OR9Q1: variants seen among roughly 807,000 people sequenced by gnomAD.
The protein encoded by OR9Q1 is olfactory receptor family 9 subfamily Q member 1.
For synonymous variants in OR9Q1, 153 were observed against 148.6 expected, an observed-to-expected ratio of 1.03 and a Z score of -0.22; for missense variants, 374 against 378.8, an observed-to-expected ratio of 0.99 and a Z score of 0.11.
intron 2 of OR9Q1, among the ~76,000 whole-genome samples, chr11:58,174,545 A>G (rs530788695): frequency 1.3e-5 from 2 of 151,728 alleles, no homozygotes; most frequent in Non-Finnish European, 2.9e-5. Flanking sequence ...TTTATAAAGG[A>G]TATTATCATA....
intron 2 of OR9Q1, chr11:58,119,003 C>T: frequency 1.9e-6 from 3 of 1,613,930 alleles, no homozygotes; most frequent in South Asian, 1.1e-5. Context: ...CAGACATAGG[C>T]TCCTACCACC....
intron 2 of OR9Q1, among the ~76,000 whole-genome samples, chr11:58,165,820 T>A (rs576425779): frequency 6.6e-6 from 1 of 152,358 alleles, no homozygotes; most frequent in Non-Finnish European, 1.5e-5. Flanking sequence ...AGTACCTCAG[T>A]GAGCATATCT....
At chr11:58,091,930 A>G (rs1439911277) in intron 2 of OR9Q1, among the ~76,000 whole-genome samples, 1 of 150,728 alleles carries the variant, frequency 6.6e-6, no homozygotes, top group Non-Finnish European at 1.5e-5. Context: ...TTCTTGGTTT[A>G]AAGTCTGTTC....
At chr11:58,082,656 T>G (rs1853598938) in intron 2 of OR9Q1, among the ~76,000 whole-genome samples, 1 of 133,770 alleles carries the variant, frequency 7.5e-6, no homozygotes. Context: ...AAATGACGAG[T>G]TAATGGGTGC....
chr11:58,088,849 G>T (rs1398788697), intron 2 of OR9Q1, among the ~76,000 whole-genome samples: 1 of 151,328 alleles, frequency 6.6e-6, no homozygotes, highest in Non-Finnish European at 1.5e-5. Context: ...TTGTCAATTT[G>T]TCAATTTTGG....
intron 2 of OR9Q1, chr11:58,118,492 A>G: frequency 6.4e-7 from 1 of 1,554,844 alleles, no homozygotes; most frequent in South Asian, 1.2e-5. Flanking sequence ...AATTCCTCTT[A>G]CTTAGATCTA....
intron 2 of OR9Q1, among the ~76,000 whole-genome samples, chr11:58,112,613 G>C (rs1217167713): frequency 6.6e-6 from 1 of 152,100 alleles, no homozygotes; most frequent in Non-Finnish European, 1.5e-5. Context: ...TGCCTAGAGG[G>C]ATGCATTCAT....
chr11:58,062,653 T>C (rs1264042178), intron 2 of OR9Q1, among the ~76,000 whole-genome samples: 1 of 152,212 alleles, frequency 6.6e-6, no homozygotes, highest in Non-Finnish European at 1.5e-5. Context: ...GAATGAGAAC[T>C]CAAAGCAGCC....
intron 2 of OR9Q1, among the ~76,000 whole-genome samples, chr11:58,155,012 TCTACCTACCTTCCTGC>T (rs1854393015): frequency 6.6e-6 from 1 of 152,206 alleles, no homozygotes. Flanking sequence ...CATTTATATT[TCTACCTACCTTCCTGC>T]CTACCTACCT....
intron 1 of OR9Q1, among the ~76,000 whole-genome samples, chr11:58,034,974 C>T (rs1341385756): frequency 6.6e-6 from 1 of 151,796 alleles, no homozygotes; most frequent in Non-Finnish European, 1.5e-5. Flanking sequence ...ACTACAGGTG[C>T]ACAGCATCAA....
intron 1 of OR9Q1, among the ~76,000 whole-genome samples, chr11:58,034,546 T>C (rs1483435018): frequency 6.6e-6 from 1 of 152,124 alleles, no homozygotes; most frequent in South Asian, 2.1e-4. Flanking sequence ...AATTAGAACA[T>C]AGTCACACCT....
chr11:58,068,656 C>T (rs777194019), intron 2 of OR9Q1, among the ~76,000 whole-genome samples: 2 of 152,184 alleles, frequency 1.3e-5, no homozygotes, highest in Non-Finnish European at 2.9e-5. Context: ...TGTTGAGAAG[C>T]TTCAGTGTGA....
intron 2 of OR9Q1, among the ~76,000 whole-genome samples, chr11:58,074,379 A>G (rs973475031): frequency 6.6e-6 from 1 of 152,028 alleles, no homozygotes; most frequent in Non-Finnish European, 1.5e-5. Context: ...GCTTGTTTTC[A>G]TATGTTTGTT....
chr11:58,180,303 C>A lies in OR9Q1; in HGVS notation c.859C>A (p.Leu287Ile), dbSNP rs148066479. The change falls in exon 3 of 3, where the codon CTC becomes ATC. Residue 287 changes from leucine (L) to isoleucine (I), a missense_variant. Leu to Ile is a conservative substitution (Grantham distance 5). Transcript: ENST00000335397. The stretch of plus-strand genomic sequence containing the variant: ...AGAGGTCATCCCCATGTTGAATCCC[C>A]TCATCTACAGCCTGAGGAACAAGGA... ...YTEVIPMLNP[L>I]IYSLRNKEVK... is the part of the protein sequence containing the mutation. The A allele has an allele frequency of 7.1e-4, 1,145 of 1,613,492 alleles. No homozygotes were observed. Among genetic ancestry groups the A allele is most frequent in the Non-Finnish European group, 7.6e-4 (897 of 1,179,552 alleles).
At chr11:58,155,371 CT>C (rs1336172052) in intron 2 of OR9Q1, among the ~76,000 whole-genome samples, 17 of 152,034 alleles carry the variant, frequency 1.1e-4, no homozygotes, top group Admixed American at 4.6e-4. Context: ...GGTTCAATAA[CT>C]GGGCACCGTA....
At chr11:58,120,082 A>G (rs1157151198) in intron 2 of OR9Q1, among the ~76,000 whole-genome samples, 3 of 152,226 alleles carry the variant, frequency 2.0e-5, no homozygotes, top group African/African-American at 7.2e-5. Flanking sequence ...GTCGAATAGT[A>G]TTAGCTGATA....
At chr11:58,176,899 G>A (rs898857589) in intron 2 of OR9Q1, among the ~76,000 whole-genome samples, 2 of 152,134 alleles carry the variant, frequency 1.3e-5, no homozygotes, top group Non-Finnish European at 2.9e-5. Flanking sequence ...CAAGCAGTGG[G>A]TGAGAAATGA....
chr11:58,112,043 T>C (rs1340411555), intron 2 of OR9Q1, among the ~76,000 whole-genome samples: 2 of 151,816 alleles, frequency 1.3e-5, no homozygotes, highest in Non-Finnish European at 2.9e-5. Flanking sequence ...ATCCCAGCAC[T>C]TTTGGAGGCA....
At chr11:58,072,361 G>C (rs1853496368) in intron 2 of OR9Q1, 1 of 153,016 alleles carries the variant, frequency 6.5e-6, no homozygotes, top group Non-Finnish European at 1.5e-5. Flanking sequence ...TCTTTCTTCA[G>C]TGTCAAATCT....
Sources: gnomAD v4.1 joint callset for allele counts (sites outside exome capture counted in the v4.1 genomes callset) on GRCh38, gnomAD v4.1.1 for gene constraint, MANE v1.5 for transcripts, NCBI Gene and HGNC (gene_info 2026-07-23, HGNC 2026-07-21) for gene names.